The following SMOC2 variants were observed in gnomAD, a reference collection of about 807,000 sequenced individuals.
SMOC2 encodes the protein SPARC-related modular calcium-binding protein 2.
Under a neutral mutation model 61.4 loss-of-function variants are expected in SMOC2, and 39 were observed. The observed-to-expected ratio is 0.64, with a 90% CI of 0.49 to 0.83. The LOEUF (loss-of-function observed/expected upper bound fraction) is 0.83. SMOC2 is among the 40% of genes least tolerant of loss of function. The pLI is 0.00. For synonymous variants in SMOC2, 247 were observed against 239.9 expected (o/e 1.03, Z -0.27); for missense variants, 556 against 592.9 (o/e 0.94, Z 0.65).
intron 7 of SMOC2, among the ~76,000 whole-genome samples, chr6:168,555,241 T>A (rs941999034): frequency 1.3e-5 from 2 of 152,240 alleles, no homozygotes; most frequent in Non-Finnish European, 2.9e-5. Flanking sequence ...GGCTATTTCA[T>A]GTTGGAGATT....
At position 168,519,193 on chromosome 6, in the gene SMOC2, A is replaced by G. The variant is rs62424674; in HGVS notation, c.257-7153A>G. 5.8e-3 allele frequency among the ~76,000 whole-genome samples: 564 copies of G among 97,060 alleles called. 5 individuals are homozygous for G. In the East Asian group the frequency reaches 0.066, roughly 11 times the overall value. The allele number at this position is 97,060 out of a possible 152,430, so 63.7% of individuals were successfully genotyped here. Reference sequence around the variant, plus strand: ...CATGTGTGAGTATGCGTGCATGTGTATGTGTGTGTATGCATGCGTGTGTGA... The same window carrying G: ...CATGTGTGAGTATGCGTGCATGTGTGTGTGTGTGTATGCATGCGTGTGTGA... On this transcript the variant is annotated intron_variant, in intron 2 of 12. Coordinates refer to ENST00000356284, the MANE Select transcript of SMOC2 (RefSeq NM_001166412.2).
chr6:168,662,923 A>G lies in SMOC2; in HGVS notation c.1286-1151A>G, dbSNP rs74451422. Among the ~76,000 whole-genome samples the G allele has an allele frequency of 9.5e-3, 1,449 of 152,284 alleles. 23 individuals carry two copies. Among genetic ancestry groups the G allele is most frequent in the African/African-American group, 0.033 (1,378 of 41,548 alleles). Reference sequence around the variant, plus strand: ...GTGTCCTGAGGATGGAATACGTCAGAAAGTAGGTTTGCAAGGGAAGATAAT... The same window carrying G: ...GTGTCCTGAGGATGGAATACGTCAGGAAGTAGGTTTGCAAGGGAAGATAAT... On this transcript the variant is annotated intron_variant, in intron 11 of 12. Transcript: ENST00000356284.
intron 9 of SMOC2, among the ~76,000 whole-genome samples, chr6:168,614,230 A>G (rs1349801049): frequency 1.3e-5 from 1 of 75,768 alleles, no homozygotes; most frequent in Non-Finnish European, 2.6e-5. Context: ...CAGCCAGCAC[A>G]TGGAGCCTCT....
At chr6:168,447,464 C>T (rs1781356045) in intron 1 of SMOC2, among the ~76,000 whole-genome samples, 1 of 152,120 alleles carries the variant, frequency 6.6e-6, no homozygotes, top group Non-Finnish European at 1.5e-5. Flanking sequence ...GAAGGGTTTT[C>T]TAGTTTCTGT....
intron 4 of SMOC2, among the ~76,000 whole-genome samples, chr6:168,540,071 G>C (rs1367109907): frequency 6.6e-6 from 1 of 152,250 alleles, no homozygotes; most frequent in Non-Finnish European, 1.5e-5. Context: ...GACATCAGCT[G>C]TGTACACGGT....
chr6:168,447,243 T>C (rs1307479218), intron 1 of SMOC2, among the ~76,000 whole-genome samples: 1 of 147,642 alleles, frequency 6.8e-6, no homozygotes, highest in African/African-American at 2.5e-5. Flanking sequence ...ATTTTTTGTA[T>C]TTTTTTTTTT....
At chr6:168,574,428 G>A (rs1373971025) in intron 7 of SMOC2, among the ~76,000 whole-genome samples, 1 of 152,220 alleles carries the variant, frequency 6.6e-6, no homozygotes, top group Non-Finnish European at 1.5e-5. Flanking sequence ...ACAGGGGAGA[G>A]GTCGCCTGAA....
At chr6:168,586,944 T>G (rs1331411452) in intron 7 of SMOC2, among the ~76,000 whole-genome samples, 1 of 152,216 alleles carries the variant, frequency 6.6e-6, no homozygotes, top group African/African-American at 2.4e-5. Flanking sequence ...AATATGATGT[T>G]AGCTATAGAC....
At chr6:168,510,500 T>G (rs745919398) in intron 2 of SMOC2, among the ~76,000 whole-genome samples, 6 of 152,222 alleles carry the variant, frequency 3.9e-5, no homozygotes, top group Non-Finnish European at 7.3e-5. Context: ...AGAATTAGAT[T>G]CAGAGTTAAG....
At chr6:168,447,138 C>G (rs1241340587) in intron 1 of SMOC2, among the ~76,000 whole-genome samples, 1 of 152,192 alleles carries the variant, frequency 6.6e-6, no homozygotes, top group Non-Finnish European at 1.5e-5. Flanking sequence ...GCACTCTTGG[C>G]TCACTGTAAC....
At position 168,553,165 on chromosome 6, in the gene SMOC2, A is replaced by G. The variant is rs1276583107; in HGVS notation, c.637+3962A>G. 1.3e-5 allele frequency among the ~76,000 whole-genome samples: 2 copies of G among 152,224 alleles called. No individual in the cohort carries two copies. Among genetic ancestry groups the G allele is most frequent in the African/African-American group, 4.8e-5 (2 of 41,452 alleles). On this transcript the variant is annotated intron_variant, in intron 7 of 12. Coordinates refer to ENST00000356284, the MANE Select transcript of SMOC2 (RefSeq NM_001166412.2). This position sits in a 1 kb window ranked among gnomAD's most constrained non-coding sequence, Gnocchi z 4.2. ...TTAAATTTAATAAATATATAAGTCAAACATTCTCTTGGCTCATTTAGTAAG... is the reference window on the plus strand; with the variant it reads ...TTAAATTTAATAAATATATAAGTCAGACATTCTCTTGGCTCATTTAGTAAG...
chr6:168,547,843 C>T (rs1583100063), intron 6 of SMOC2, among the ~76,000 whole-genome samples: 2 of 151,998 alleles, frequency 1.3e-5, no homozygotes, highest in East Asian at 3.9e-4. Context: ...CAGATATTGC[C>T]ATGGTGCATT....
intron 2 of SMOC2, among the ~76,000 whole-genome samples, chr6:168,525,552 ACTT>A (rs1373848956): frequency 2.0e-5 from 3 of 152,166 alleles, no homozygotes; most frequent in African/African-American, 7.2e-5. Context: ...AAGTCTAAAG[ACTT>A]TTCCAGTTTT....
chr6:168,510,487 T>G (rs963839795), intron 2 of SMOC2, among the ~76,000 whole-genome samples: 1 of 152,228 alleles, frequency 6.6e-6, no homozygotes, highest in African/African-American at 2.4e-5. Flanking sequence ...TTTTCCCAAT[T>G]TAAGAATTAG....
chr6:168,587,586 G>A (rs1465476895), intron 7 of SMOC2, among the ~76,000 whole-genome samples: 1 of 152,192 alleles, frequency 6.6e-6, no homozygotes, highest in Non-Finnish European at 1.5e-5. Context: ...CTGAGAGGAG[G>A]ATAGAGGAAC....
At chr6:168,614,728 C>T (rs71552352) in intron 9 of SMOC2, among the ~76,000 whole-genome samples, 3 of 64,838 alleles carry the variant, frequency 4.6e-5, no homozygotes, top group Admixed American at 1.7e-4. Flanking sequence ...AGCCTCTTCA[C>T]ACCTACAGCC....
At chr6:168,531,201 G>C (rs1562331402) in intron 4 of SMOC2, among the ~76,000 whole-genome samples, 1 of 152,158 alleles carries the variant, frequency 6.6e-6, no homozygotes, top group South Asian at 2.1e-4. Flanking sequence ...ATGCGGTGGA[G>C]AGCAGGGGGG....
chr6:168,471,226 G>GC lies in SMOC2; in HGVS notation c.84+29775dup, dbSNP rs151082104. ...AACTTGACCCGTTTATCTCAGCCCA[G>GC]CCCTAGTAGCCACCATTCTACTTTC... On this transcript the variant is annotated intron_variant, in intron 1 of 12. Coordinates refer to ENST00000356284, the MANE Select transcript of SMOC2 (RefSeq NM_001166412.2). 4.2e-3 allele frequency among the ~76,000 whole-genome samples: 632 copies of GC among 152,278 alleles called. 7 individuals are homozygous for GC. The highest frequency in any genetic ancestry group is 0.014 in the African/African-American group (594 of 41,538).
At chr6:168,665,121 T>C (rs930799309) in intron 12 of SMOC2, 2 of 243,776 alleles carry the variant, frequency 8.2e-6, no homozygotes, top group South Asian at 9.4e-5. Flanking sequence ...TGAAAGTAAT[T>C]ACCCTCCCTG....
Sources: gnomAD v4.1 joint callset for allele counts (sites outside exome capture counted in the v4.1 genomes callset) on GRCh38, gnomAD v4.1.1 for gene constraint, Gnocchi (gnomAD v3.1) non-coding constraint, MANE v1.5 for transcripts, NCBI Gene and HGNC (gene_info 2026-07-23, HGNC 2026-07-21) for gene names.